Variants in ADAMTS19 observed in about 807,000 individuals in gnomAD.
ADAMTS19 encodes ADAM metallopeptidase with thrombospondin type 1 motif 19, also known as A disintegrin and metalloproteinase with thrombospondin motifs 19.
A neutral mutation model predicts 153.3 loss-of-function variants in ADAMTS19; 93 were observed. The observed-to-expected ratio is 0.61, with a 90% CI of 0.51 to 0.72. The LOEUF is 0.72. Ranked by LOEUF, ADAMTS19 falls within the 30% of genes least tolerant of loss-of-function variation. ADAMTS19 has a pLI of 0.00. For synonymous variants in ADAMTS19, 600 were observed against 556.6 expected (o/e 1.08, Z -1.10); for missense variants, 1,482 against 1,552.1 (o/e 0.95, Z 0.76).
chr5:129,722,799 G>A (rs138308763), intron 21 of ADAMTS19, among the ~76,000 whole-genome samples: 2,670 of 152,088 alleles, frequency 0.018, 39 homozygotes, highest in Non-Finnish European at 0.027. Flanking sequence ...CACTTTTCTC[G>A]TGTTATTTAA....
chr5:129,699,953 G>A (rs978578163), intron 19 of ADAMTS19, among the ~76,000 whole-genome samples: 4 of 152,042 alleles, frequency 2.6e-5, no homozygotes, highest in Non-Finnish European at 5.9e-5. Context: ...CAGCTAATAA[G>A]TATTATTTCA....
intron 6 of ADAMTS19, among the ~76,000 whole-genome samples, chr5:129,538,167 T>G (rs7445164): frequency 0.048 from 7,368 of 152,118 alleles, 243 homozygotes; most frequent in African/African-American, 0.089. Context: ...TAATTTTCTC[T>G]TATTACAAAT....
intron 18 of ADAMTS19, chr5:129,687,968 TCTC>T (rs1354681921): frequency 1.3e-5 from 2 of 152,198 alleles, no homozygotes; most frequent in Non-Finnish European, 2.9e-5. Flanking sequence ...CTTGAATAGA[TCTC>T]CTCTTCCAAC....
chr5:129,587,663 A>G (rs79947403), intron 7 of ADAMTS19, among the ~76,000 whole-genome samples: 4,842 of 152,246 alleles, frequency 0.032, 223 homozygotes, highest in African/African-American at 0.11. Context: ...TTCCATGCCA[A>G]TTTTAGAATA....
intron 6 of ADAMTS19, among the ~76,000 whole-genome samples, chr5:129,543,955 C>CCTTGTAT (rs150146273): frequency 0.033 from 5,072 of 152,074 alleles, 254 homozygotes; most frequent in African/African-American, 0.11. Flanking sequence ...TCATTTTGTG[C>CCTTGTAT]CTTGTATTGA....
intron 10 of ADAMTS19, among the ~76,000 whole-genome samples, chr5:129,632,207 A>G (rs1752329486): frequency 6.6e-6 from 1 of 152,092 alleles, no homozygotes; most frequent in Non-Finnish European, 1.5e-5. Flanking sequence ...ACTCATCTCT[A>G]GGGATTAAAA....
chr5:129,582,416 C>T (rs1172731283), intron 7 of ADAMTS19, among the ~76,000 whole-genome samples: 1 of 151,106 alleles, frequency 6.6e-6, no homozygotes, highest in Non-Finnish European at 1.5e-5. Context: ...AGGATTGCAA[C>T]CTCTGCTCTT....
chr5:129,665,074 G>A (rs1383105947), intron 15 of ADAMTS19, among the ~76,000 whole-genome samples: 3 of 151,966 alleles, frequency 2.0e-5, no homozygotes, highest in African/African-American at 7.3e-5. Context: ...TTTAGTCCAG[G>A]CCTGCTATAT....
chr5:129,684,095 C>T lies in ADAMTS19; in HGVS notation c.2665-25C>T, dbSNP rs767899436. On this transcript the variant is annotated intron_variant, in intron 17 of 22. Transcript: ENST00000274487. Reference sequence around the variant, plus strand: ...CACGTGCTCTAGTTTGACCCATCTGCCTTGATCATTTTTGTATACTATAGG... The same window carrying T: ...CACGTGCTCTAGTTTGACCCATCTGTCTTGATCATTTTTGTATACTATAGG... The T allele has an allele frequency of 2.5e-6, 4 of 1,601,742 alleles. No homozygotes were observed. In the Admixed American group the frequency reaches 5.1e-5, roughly 21 times the overall value.
chr5:129,582,900 C>T (rs1329901395), intron 7 of ADAMTS19, among the ~76,000 whole-genome samples: 3 of 151,980 alleles, frequency 2.0e-5, no homozygotes, highest in Non-Finnish European at 4.4e-5. Context: ...GGGCATTTAG[C>T]CCATTTATAT....
chr5:129,628,881 A>G (rs76083124), intron 10 of ADAMTS19, among the ~76,000 whole-genome samples: 15,351 of 152,108 alleles, frequency 0.1, 796 homozygotes, highest in South Asian at 0.15. Context: ...AGTACGCTAT[A>G]TCATTTAGGC....
rs773067606 is a variant in ADAMTS19, at chr5:129,647,877, G to A, written c.1985G>A (p.Arg662Gln). 5.0e-6 allele frequency: 8 copies of A among 1,613,404 alleles called. No individual in the cohort carries two copies. Among genetic ancestry groups the A allele is most frequent in the South Asian group, 3.3e-5 (3 of 91,032 alleles). Residue 662 changes from arginine (R) to glutamine (Q), a missense_variant, in exon 12 of 23, where the codon CGA becomes CAA. Physicochemically the swap from Arg to Gln is conservative, Grantham distance 43. Transcript: ENST00000274487. Reference sequence around the variant, plus strand: ...ACCTGCAGTGCTGGGATCAGCAGTCGAGAGCGCAAATGTCCTGGGTAAACT... The same window carrying A: ...ACCTGCAGTGCTGGGATCAGCAGTCAAGAGCGCAAATGTCCTGGGTAAACT... ...SRTCSAGISS[R>Q]ERKCPGLDSE...
chr5:129,512,917 A>G (rs1310092403), intron 3 of ADAMTS19, among the ~76,000 whole-genome samples: 1 of 151,116 alleles, frequency 6.6e-6, no homozygotes, highest in Non-Finnish European at 1.5e-5. Context: ...TTTTTTTTCT[A>G]CTTCCTGTTC....
chr5:129,651,338 G>T (rs912136299), intron 13 of ADAMTS19, among the ~76,000 whole-genome samples: 2 of 152,112 alleles, frequency 1.3e-5, no homozygotes, highest in African/African-American at 4.8e-5. Flanking sequence ...ATGTCCATTT[G>T]ATCCTCTTTA....
At position 129,460,406 on chromosome 5, in the gene ADAMTS19, C is replaced by A; in HGVS notation, c.15C>A (p.Arg5=). The change falls in exon 1 of 23, where the codon CGC becomes CGA. Residue 5 remains arginine (R), a synonymous_variant. Transcript: ENST00000274487. ...GGGAGCGCAGTATGGGGAAGAACCG[C>A]GAGATGCGCCTGACTCACATCTGCT... MGKN[R]EMRLTHICCC... is the part of the protein sequence containing the mutation. 6.2e-7 allele frequency: 1 copy of A among 1,613,938 alleles called. No homozygotes were observed. Among genetic ancestry groups the A allele is most frequent in the Non-Finnish European group, 8.5e-7 (1 of 1,179,990 alleles).
chr5:129,625,984 AT>A (rs1291700715), intron 10 of ADAMTS19, among the ~76,000 whole-genome samples: 1 of 152,108 alleles, frequency 6.6e-6, no homozygotes, highest in African/African-American at 2.4e-5. Flanking sequence ...TAGGTCTAAC[AT>A]TTAAAATTAA....
At chr5:129,539,699 C>G (rs567361931) in intron 6 of ADAMTS19, among the ~76,000 whole-genome samples, 4 of 151,970 alleles carry the variant, frequency 2.6e-5, no homozygotes, top group Non-Finnish European at 4.4e-5. Flanking sequence ...AGAAAATGTT[C>G]TATAAATATG....
intron 2 of ADAMTS19, among the ~76,000 whole-genome samples, chr5:129,507,577 A>G (rs920637999): frequency 1.3e-5 from 2 of 149,468 alleles, no homozygotes; most frequent in African/African-American, 5.1e-5. Flanking sequence ...TTTGGCCCAC[A>G]TATGTGTCTA....
intron 15 of ADAMTS19, among the ~76,000 whole-genome samples, chr5:129,659,876 C>T (rs1288229018): frequency 6.6e-6 from 1 of 152,160 alleles, no homozygotes; most frequent in African/African-American, 2.4e-5. Context: ...GCATGAGCCA[C>T]TGTGCCCACT....
Sources: gnomAD v4.1 joint callset for allele counts (sites outside exome capture counted in the v4.1 genomes callset) on GRCh38, gnomAD v4.1.1 for gene constraint, MANE v1.5 for transcripts, NCBI Gene and HGNC (gene_info 2026-07-23, HGNC 2026-07-21) for gene names.